Variants in LRP1B observed in about 807,000 individuals in gnomAD.
LRP1B encodes LDL receptor related protein 1B, also known as low-density lipoprotein receptor-related protein 1B.
Under a neutral mutation model 556.6 loss-of-function variants are expected in LRP1B, and 217 were observed. The observed-to-expected ratio is 0.39, with a 90% confidence interval of 0.35 to 0.44. LRP1B has a LOEUF of 0.44. LRP1B is among the 20% of genes least tolerant of loss of function. The pLI is 1.00. For missense variants in LRP1B, 5,053 were observed against 5,620.8 expected (o/e 0.90, Z 3.23); for synonymous variants, 2,047 against 1,865.8 (o/e 1.10, Z -2.50).
At chr2:141,639,389 TAC>T (rs1307813684) in intron 2 of LRP1B, among the ~76,000 whole-genome samples, 9 of 84,254 alleles carry the variant, frequency 1.1e-4, no homozygotes, top group East Asian at 5.7e-4. Flanking sequence ...CATATATATA[TAC>T]ACATATATAT....
At chr2:140,787,929 T>C (rs569382485) in intron 32 of LRP1B, among the ~76,000 whole-genome samples, 49 of 152,184 alleles carry the variant, frequency 3.2e-4, no homozygotes, top group Admixed American at 8.5e-4. Context: ...TTATTTTATC[T>C]TCCACTCATA....
chr2:140,510,017 C>A lies in LRP1B; in HGVS notation c.8309G>T (p.Gly2770Val), dbSNP rs1218884917. 2.5e-6 allele frequency: 4 copies of A among 1,613,778 alleles called. No homozygotes were observed. The highest frequency in any genetic ancestry group is 1.3e-5 in the African/African-American group (1 of 74,870). Residue 2770 changes from glycine to valine, a missense_variant, in exon 52 of 91, where the codon GGC becomes GTC. Transcript: ENST00000389484. ...ATGTCGGGGCACGCAGGCACGAGAG[C>A]CCTGGCAGCTGAACATGTCAGCAGC... ...TCAADMFSCQ[G>V]SRACVPRHWL...
intron 3 of LRP1B, among the ~76,000 whole-genome samples, chr2:141,435,606 G>A (rs1253868600): frequency 2.6e-5 from 4 of 152,186 alleles, no homozygotes; most frequent in African/African-American, 7.2e-5. Context: ...TGGTGCAGGA[G>A]GCAGGGATTT....
chr2:140,924,250 T>C (rs1268423579), intron 20 of LRP1B, among the ~76,000 whole-genome samples: 1 of 152,008 alleles, frequency 6.6e-6, no homozygotes, highest in African/African-American at 2.4e-5. Flanking sequence ...ATAACAGTGA[T>C]ATCACCAAAG....
At chr2:141,581,617 T>C (rs1481516480) in intron 2 of LRP1B, among the ~76,000 whole-genome samples, 1 of 152,176 alleles carries the variant, frequency 6.6e-6, no homozygotes, top group South Asian at 2.1e-4. Flanking sequence ...ATGAAAAAAA[T>C]TGGGTCTGAA....
At chr2:140,981,205 C>G (rs1179573153) in intron 18 of LRP1B, among the ~76,000 whole-genome samples, 1 of 151,704 alleles carries the variant, frequency 6.6e-6, no homozygotes, top group East Asian at 1.9e-4. Flanking sequence ...AATAACTTAC[C>G]CATATAACCA....
At chr2:141,879,090 T>C (rs1698868988) in intron 1 of LRP1B, among the ~76,000 whole-genome samples, 1 of 151,918 alleles carries the variant, frequency 6.6e-6, no homozygotes, top group Admixed American at 6.6e-5. Context: ...AATATAATTA[T>C]GATAAATCAA....
intron 2 of LRP1B, among the ~76,000 whole-genome samples, chr2:141,616,877 A>C (rs1688319193): frequency 1.3e-5 from 2 of 152,096 alleles, no homozygotes; most frequent in South Asian, 4.2e-4. Flanking sequence ...AAAGCTCTTC[A>C]ATTGTAACTC....
At chr2:142,036,939 T>A (rs1394509656) in intron 1 of LRP1B, among the ~76,000 whole-genome samples, 1 of 151,684 alleles carries the variant, frequency 6.6e-6, no homozygotes, top group East Asian at 1.9e-4. Context: ...CTCCACAGAT[T>A]TTTAAAAAAT....
At chr2:141,740,036 A>G (rs1434547460) in intron 2 of LRP1B, among the ~76,000 whole-genome samples, 1 of 152,118 alleles carries the variant, frequency 6.6e-6, no homozygotes, top group Non-Finnish European at 1.5e-5. Flanking sequence ...TAAAACAAAA[A>G]TTAATAAGAG....
chr2:141,945,931 G>GATTGATTT (rs1553489201), intron 1 of LRP1B, among the ~76,000 whole-genome samples: 2 of 150,920 alleles, frequency 1.3e-5, no homozygotes, highest in African/African-American at 4.9e-5. Flanking sequence ...AAACCAGCAG[G>GATTGATTT]ATTTATTTAT....
At chr2:141,028,974 G>A (rs1283838705) in intron 11 of LRP1B, among the ~76,000 whole-genome samples, 1 of 152,118 alleles carries the variant, frequency 6.6e-6, no homozygotes, top group Non-Finnish European at 1.5e-5. Flanking sequence ...GTGGCTGTAA[G>A]TAATTTTATT....
chr2:140,971,055 T>A (rs78043694), intron 18 of LRP1B, among the ~76,000 whole-genome samples: 6,592 of 152,240 alleles, frequency 0.043, 173 homozygotes, highest in Middle Eastern at 0.075. Context: ...CTAAAATGAT[T>A]GGTCGCTTAT....
At position 141,344,198 on chromosome 2, in the gene LRP1B, G is replaced by A. The variant is rs1469529394; in HGVS notation, c.344-89557C>T. On this transcript the variant is annotated intron_variant, in intron 3 of 90. Transcript: ENST00000389484. Reference sequence around the variant, plus strand: ...CATGTCCCCTTGGCTGGAATAGAAAGCCTGATTGAAATTTAAATAAAATTA... The same window carrying A: ...CATGTCCCCTTGGCTGGAATAGAAAACCTGATTGAAATTTAAATAAAATTA... Among the ~76,000 whole-genome samples, 5 of 152,112 alleles carry A rather than the reference G, an allele frequency of 3.3e-5. No individual in the cohort carries two copies. The East Asian group carries it at 9.6e-4, about 29-fold the overall frequency.
At chr2:141,890,829 A>G (rs1445679762) in intron 1 of LRP1B, among the ~76,000 whole-genome samples, 1 of 152,082 alleles carries the variant, frequency 6.6e-6, no homozygotes, top group Non-Finnish European at 1.5e-5. Flanking sequence ...AAAATACCAC[A>G]CCAAGTTTTC....
At chr2:142,054,570 A>C (rs1281359131) in intron 1 of LRP1B, among the ~76,000 whole-genome samples, 1 of 152,058 alleles carries the variant, frequency 6.6e-6, no homozygotes, top group African/African-American at 2.4e-5. Context: ...AGATGACCAC[A>C]TTTCTCTATA....
At chr2:140,950,826 G>GT (rs34211812) in intron 19 of LRP1B, among the ~76,000 whole-genome samples, 10,676 of 141,088 alleles carry the variant, frequency 0.076, 387 homozygotes, top group African/African-American at 0.098. Flanking sequence ...ATATAAAGTT[G>GT]TTTTTTTTTT....
chr2:140,748,304 A>ATATTATATTCATATATAATATG (rs1688403182), intron 35 of LRP1B, among the ~76,000 whole-genome samples: 1 of 133,000 alleles, frequency 7.5e-6, no homozygotes, highest in Admixed American at 8.6e-5. Context: ...ATATATTCAT[A>ATATTATATTCATATATAATATG]TATTATATTC....
intron 3 of LRP1B, among the ~76,000 whole-genome samples, chr2:141,331,412 T>C (rs1245793128): frequency 6.6e-6 from 1 of 152,170 alleles, no homozygotes; most frequent in Non-Finnish European, 1.5e-5. Context: ...GAGATGGGAA[T>C]TGGCAGATGT....
Sources: allele counts gnomAD v4.1 joint callset (sites outside exome capture counted in the v4.1 genomes callset), GRCh38; gene constraint gnomAD v4.1.1; transcripts MANE v1.5; gene names NCBI Gene and HGNC (gene_info 2026-07-23, HGNC 2026-07-21).